GRIK4: variants seen among roughly 807,000 people sequenced by gnomAD.
GRIK4 encodes glutamate ionotropic receptor kainate type subunit 4.
Under a neutral mutation model 104.9 loss-of-function variants are expected in GRIK4, and 40 were observed. That is an observed-to-expected ratio of 0.38 (90% CI 0.30 to 0.50). The LOEUF (loss-of-function observed/expected upper bound fraction) is 0.50. GRIK4 is among the 20% of genes least tolerant of loss of function. The pLI is 0.93. For synonymous variants in GRIK4, 485 were observed against 524.9 expected (o/e 0.92, Z 1.04); for missense variants, 1,047 against 1,308.1 (o/e 0.80, Z 3.08).
intron 8 of GRIK4, among the ~76,000 whole-genome samples, chr11:120,843,241 G>A (rs1417162455): frequency 6.6e-6 from 1 of 152,256 alleles, no homozygotes; most frequent in African/African-American, 2.4e-5. Flanking sequence ...CATGCCCCAG[G>A]CAGGGCCAGA....
intron 1 of GRIK4, among the ~76,000 whole-genome samples, chr11:120,546,752 A>G (rs532296912): frequency 3.9e-4 from 60 of 152,216 alleles, no homozygotes; most frequent in Non-Finnish European, 5.0e-4. Flanking sequence ...TGAGTCACAC[A>G]TGCTCCGCCC....
chr11:120,856,352 A>G (rs984161926), intron 8 of GRIK4, among the ~76,000 whole-genome samples: 1 of 152,172 alleles, frequency 6.6e-6, no homozygotes, highest in Non-Finnish European at 1.5e-5. Context: ...CACCATTCAC[A>G]TGGTCATCAG....
intron 3 of GRIK4, among the ~76,000 whole-genome samples, chr11:120,795,126 T>A (rs772099130): frequency 6.6e-6 from 1 of 152,220 alleles, no homozygotes; most frequent in Non-Finnish European, 1.5e-5. Flanking sequence ...CAGACAGTGT[T>A]ATAGATACTG....
chr11:120,744,475 A>G (rs1951402546), intron 3 of GRIK4, among the ~76,000 whole-genome samples: 1 of 152,206 alleles, frequency 6.6e-6, no homozygotes, highest in South Asian at 2.1e-4. Flanking sequence ...CTGGCTGCGT[A>G]CAAGAAGGAC....
At chr11:120,669,701 A>G (rs10892594) in intron 3 of GRIK4, among the ~76,000 whole-genome samples, 4 of 152,064 alleles carry the variant, frequency 2.6e-5, no homozygotes, top group Non-Finnish European at 5.9e-5. Context: ...TTGTTCTTGC[A>G]CTGTTTCTGG....
intron 19 of GRIK4, among the ~76,000 whole-genome samples, chr11:120,979,433 A>T (rs1437130235): frequency 6.6e-6 from 1 of 152,152 alleles, no homozygotes; most frequent in Non-Finnish European, 1.5e-5. Context: ...ATTTAACATA[A>T]GATCTGGGTG....
chr11:120,731,505 A>G (rs1019534034), intron 3 of GRIK4, among the ~76,000 whole-genome samples: 6 of 152,110 alleles, frequency 3.9e-5, no homozygotes, highest in African/African-American at 1.2e-4. Flanking sequence ...AGTAGTTATT[A>G]GTGATACTGG....
intron 3 of GRIK4, among the ~76,000 whole-genome samples, chr11:120,671,642 G>A (rs990033798): frequency 1.3e-5 from 2 of 152,142 alleles, no homozygotes; most frequent in African/African-American, 4.8e-5. Context: ...TTGTCAGATG[G>A]ATAGATTGCA....
chr11:120,699,308 C>G (rs1217896963), intron 3 of GRIK4, among the ~76,000 whole-genome samples: 3 of 152,354 alleles, frequency 2.0e-5, no homozygotes, highest in Non-Finnish European at 4.4e-5. Flanking sequence ...AGGGGTCCTG[C>G]TCTTGAGCAT....
intron 1 of GRIK4, among the ~76,000 whole-genome samples, chr11:120,554,032 T>C (rs1017638445): frequency 6.6e-6 from 1 of 152,056 alleles, no homozygotes; most frequent in Non-Finnish European, 1.5e-5. Flanking sequence ...GGGACACTTG[T>C]GGATGATGTT....
In GRIK4 at chr11:120,903,938, G is replaced by A. The variant is rs1400243530; in HGVS notation, c.1273-1352G>A. Among the ~76,000 whole-genome samples the A allele has an allele frequency of 3.9e-5, 6 of 152,212 alleles. No individual in the cohort carries two copies. Among genetic ancestry groups the A allele is most frequent in the Non-Finnish European group, 8.8e-5 (6 of 68,034 alleles). ...TGCTAGGTCTGTGAGAATGGTGGGA[G>A]TGGCTACATCCTCTATCTTCCAATT... On this transcript the variant is annotated intron_variant, in intron 12 of 20. Coordinates refer to ENST00000527524, the MANE Select transcript of GRIK4 (RefSeq NM_014619.5). The surrounding 1 kb of genome is among the most constrained non-coding windows in gnomAD (Gnocchi z 4.4).
At chr11:120,673,362 G>A (rs1466935390) in intron 3 of GRIK4, among the ~76,000 whole-genome samples, 2 of 152,188 alleles carry the variant, frequency 1.3e-5, no homozygotes, top group African/African-American at 2.4e-5. Context: ...GCGGTCTCAC[G>A]GACACAGAGG....
At chr11:120,769,864 G>T (rs146951917) in intron 3 of GRIK4, among the ~76,000 whole-genome samples, 2 of 152,290 alleles carry the variant, frequency 1.3e-5, no homozygotes, top group East Asian at 3.9e-4. Context: ...TCTGTGTGGT[G>T]CTCCATGGTG....
chr11:120,818,878 G>C (rs1397931489), intron 5 of GRIK4, among the ~76,000 whole-genome samples: 1 of 152,220 alleles, frequency 6.6e-6, no homozygotes, highest in East Asian at 1.9e-4. Context: ...AGCTCGCTCA[G>C]CTCTGGACAC....
intron 20 of GRIK4, 47 bp from the exon 21 acceptor site, chr11:120,985,857 C>A: frequency 6.5e-7 from 1 of 1,538,782 alleles, no homozygotes; most frequent in East Asian, 2.5e-5. Context: ...AGGGGGCCCA[C>A]GGGGGCTGGT....
intron 1 of GRIK4, among the ~76,000 whole-genome samples, chr11:120,593,629 A>AC (rs1299699822): frequency 6.6e-6 from 1 of 151,966 alleles, no homozygotes; most frequent in African/African-American, 2.4e-5. Flanking sequence ...GAGTGAACTC[A>AC]CCTATTGCCA....
Position 120,948,585 on chromosome 11 carries a change from T to C in GRIK4, c.1591-4270T>C, listed in dbSNP as rs952746595. ...TCTCTGGAGAGCCCTGGAGGAACTC[T>C]CATGATGCATATATTACAGCCATAG... On this transcript the variant is annotated intron_variant, in intron 14 of 20. Coordinates refer to ENST00000527524, the MANE Select transcript of GRIK4 (RefSeq NM_014619.5). 2.0e-5 allele frequency among the ~76,000 whole-genome samples: 3 copies of C among 152,202 alleles called. No homozygotes were observed. In the East Asian group the frequency reaches 5.8e-4, roughly 29 times the overall value.
chr11:120,617,380 T>A (rs1949130387), intron 1 of GRIK4, among the ~76,000 whole-genome samples: 1 of 151,756 alleles, frequency 6.6e-6, no homozygotes, highest in Non-Finnish European at 1.5e-5. Context: ...TTTTATCTTA[T>A]TTATTTATTT....
intron 13 of GRIK4, among the ~76,000 whole-genome samples, chr11:120,915,080 G>T (rs1943077325): frequency 6.6e-6 from 1 of 152,138 alleles, no homozygotes; most frequent in Non-Finnish European, 1.5e-5. Context: ...GGGATTGGCT[G>T]TTTGACCCTG....
Sources: allele counts gnomAD v4.1 joint callset (sites outside exome capture counted in the v4.1 genomes callset), GRCh38; gene constraint gnomAD v4.1.1; non-coding constraint Gnocchi (gnomAD v3.1); transcripts MANE v1.5; gene names NCBI Gene and HGNC (gene_info 2026-07-23, HGNC 2026-07-21).